MYO7B: variants seen among roughly 807,000 people sequenced by gnomAD.
MYO7B encodes myosin VIIB, also known as unconventional myosin-VIIb.
A neutral mutation model predicts 259.7 loss-of-function variants in MYO7B; 212 were observed. That is an observed-to-expected ratio of 0.82 (90% CI 0.73 to 0.91). The LOEUF is 0.91. MYO7B is among the 40% of genes least tolerant of loss of function. MYO7B has a pLI of 0.00. For missense variants in MYO7B, 2,732 were observed against 2,813.5 expected (o/e 0.97, Z 0.66); for synonymous variants, 1,197 against 1,166.4 (o/e 1.03, Z -0.54).
At chr2:127,622,145 A>AGACCACCAGG (rs1003229225) in intron 28 of MYO7B, 44 bp downstream of exon 28, 1 of 1,527,328 alleles carries the variant, frequency 6.5e-7, no homozygotes, top group African/African-American at 1.4e-5. Flanking sequence ...GGGGTGGTGC[A>AGACCACCAGG]GACCCCCAGG....
At chr2:127,573,558 C>T (rs1306560272) in intron 6 of MYO7B, among the ~76,000 whole-genome samples, 4 of 152,204 alleles carry the variant, frequency 2.6e-5, no homozygotes, top group Non-Finnish European at 5.9e-5. Context: ...TTTACTGCTT[C>T]CCTTATTACT....
intron 19 of MYO7B, among the ~76,000 whole-genome samples, chr2:127,598,714 T>C (rs1369939880): frequency 6.6e-6 from 1 of 152,232 alleles, no homozygotes; most frequent in Non-Finnish European, 1.5e-5. Context: ...ATGTTACATG[T>C]AGGTCCATGA....
chr2:127,548,024 A>G (rs990875915), intron 1 of MYO7B, among the ~76,000 whole-genome samples: 2 of 152,086 alleles, frequency 1.3e-5, no homozygotes, highest in South Asian at 2.1e-4. Context: ...CAGATTATCT[A>G]TTTCTCTTTG....
chr2:127,634,332 G>A, intron 41 of MYO7B, 43 bp downstream of exon 41: 2 of 1,428,206 alleles, frequency 1.4e-6, no homozygotes, highest in Non-Finnish European at 1.9e-6. Context: ...CGGACGGGCA[G>A]TGAGCGAGGC....
intron 28 of MYO7B, among the ~76,000 whole-genome samples, chr2:127,622,812 A>G (rs1203295471): frequency 6.6e-6 from 1 of 152,158 alleles, no homozygotes. Context: ...AAGGCCCCAA[A>G]ATGTTCCCGA....
chr2:127,620,500 G>A lies in MYO7B; in HGVS notation c.3525+34G>A, dbSNP rs377063336. On this transcript the variant is annotated intron_variant, in intron 27 of 47. Transcript: ENST00000409816. Reference sequence around the variant, plus strand: ...GTTCATGAAGGGAGGGCGGGCAGGGGGCAGGTTCTGGTGGGAGCGTAGGTG... The same window carrying A: ...GTTCATGAAGGGAGGGCGGGCAGGGAGCAGGTTCTGGTGGGAGCGTAGGTG... 6.7e-6 allele frequency: 10 copies of A among 1,500,518 alleles called. No homozygotes were observed. In the African/African-American group the frequency reaches 6.9e-5, roughly 10 times the overall value. The allele number at this position is 1,500,518 out of a possible 1,614,324, so 93.0% of individuals were successfully genotyped here. A position where few individuals can be genotyped will look rare whatever the true frequency, so the allele number is the denominator to read the frequency against.
chr2:127,617,928 C>T (rs1680645257), intron 26 of MYO7B, among the ~76,000 whole-genome samples: 1 of 149,138 alleles, frequency 6.7e-6, no homozygotes, highest in African/African-American at 2.5e-5. Context: ...CTATCTGTTC[C>T]TGTCTGTCCC....
intron 6 of MYO7B, among the ~76,000 whole-genome samples, chr2:127,571,378 T>C (rs1678598568): frequency 6.8e-6 from 1 of 146,750 alleles, no homozygotes; most frequent in Non-Finnish European, 1.5e-5. Context: ...TCTGGTGAAG[T>C]GTCAGTTCAA....
chr2:127,552,285 G>A (rs571727369), intron 1 of MYO7B, among the ~76,000 whole-genome samples: 26 of 152,126 alleles, frequency 1.7e-4, no homozygotes, highest in South Asian at 4.2e-4. Context: ...GACCACTTTC[G>A]TTCCAAAAAG....
chr2:127,556,518 A>G lies in MYO7B; in HGVS notation c.-23-3182A>G, dbSNP rs1412798766. ...CATGCTTTAAAGAGGATCTGTTTTG[A>G]TGTGTTTCCAGGATTTGTTTCAAGA... On this transcript the variant is annotated intron_variant, in intron 1 of 47. Coordinates refer to ENST00000409816, the MANE Select transcript of MYO7B (RefSeq NM_001393586.1). 6.6e-5 allele frequency among the ~76,000 whole-genome samples: 10 copies of G among 152,054 alleles called. No homozygotes were observed. In the East Asian group the frequency reaches 1.9e-3, roughly 29 times the overall value.
intron 12 of MYO7B, among the ~76,000 whole-genome samples, chr2:127,583,517 C>T (rs1191516459): frequency 6.6e-6 from 1 of 152,218 alleles, no homozygotes; most frequent in Non-Finnish European, 1.5e-5. Context: ...TTGGAGACAG[C>T]ATGGGCCAGA....
At position 127,606,503 on chromosome 2, in the gene MYO7B, T is replaced by G. The variant is rs143919751; in HGVS notation, c.2424+575T>G. 1.2e-3 allele frequency among the ~76,000 whole-genome samples: 178 copies of G among 152,354 alleles called. 1 individual carries two copies. The highest frequency in any genetic ancestry group is 3.9e-3 in the African/African-American group (162 of 41,574). ...ATAGTAGCTGACCTGTGTGGAGCAG[T>G]TCCTTGGGGCCTGTTGCTTCGCATA... On this transcript the variant is annotated intron_variant, in intron 20 of 47. Coordinates refer to ENST00000409816, the MANE Select transcript of MYO7B (RefSeq NM_001393586.1).
chr2:127,569,985 G>A (rs1678526534), intron 6 of MYO7B, 75 bp downstream of exon 6: 2 of 1,500,574 alleles, frequency 1.3e-6, no homozygotes, highest in Non-Finnish European at 1.8e-6. Flanking sequence ...ACCATGGGGA[G>A]GGACAGGATA....
rs1678760396 is a variant in MYO7B at position 127,574,071 on chromosome 2, T to TC, written c.735+14dup. 1.9e-6 allele frequency: 3 copies of TC among 1,613,376 alleles called. No individual in the cohort carries two copies. The highest frequency in any genetic ancestry group is 2.7e-5 in the African/African-American group (2 of 74,860). ...CCCGGGTCTGCCGGCAGGTGAGGCC[T>TC]CCCCCTTCCCAGGTCGGGAGTTGAG... On this transcript the variant is annotated intron_variant, in intron 7 of 47. Coordinates refer to ENST00000409816, the MANE Select transcript of MYO7B (RefSeq NM_001393586.1).
chr2:127,571,442 G>GTTTTTTTTTTTTGTTTTTT lies in MYO7B; in HGVS notation c.592+1544_592+1545insGTTTTTTTTTTTTTTTTTT, dbSNP rs1553448473. 5.2e-4 allele frequency among the ~76,000 whole-genome samples: 22 copies of GTTTTTTTTTTTTGTTTTTT among 41,952 alleles called. 1 individual carries two copies. Among genetic ancestry groups the GTTTTTTTTTTTTGTTTTTT allele is most frequent in the South Asian group, 8.3e-4 (1 of 1,204 alleles). The allele number at this position is 41,952 out of a possible 152,430, so 27.5% of individuals were successfully genotyped here. ...AATTGGTCTATTTCCTTACCAGTGA[G>GTTTTTTTTTTTTGTTTTTT]TTTTTTTTTTTTTTTTTGCTTGTTT... On this transcript the variant is annotated intron_variant, in intron 6 of 47. Transcript: ENST00000409816.
intron 16 of MYO7B, among the ~76,000 whole-genome samples, chr2:127,592,398 A>T (rs1313129765): frequency 3.3e-5 from 5 of 152,214 alleles, no homozygotes; most frequent in African/African-American, 9.7e-5. Flanking sequence ...CCATCTCAAA[A>T]AAATAAATAA....
In MYO7B at chr2:127,610,008, T is replaced by A. The variant is rs762032222; in HGVS notation, c.3184T>A (p.Ser1062Thr). ...TGCCCAGGTTCCACAGCACAGTAGATCTGCACAGGCAAGTGGGGGGCAGCA... is the reference window on the plus strand; with the variant it reads ...TGCCCAGGTTCCACAGCACAGTAGAACTGCACAGGCAAGTGGGGGGCAGCA... ...HGAQVPQHSR[S>T]AQRSGCKDKG... Residue 1062 changes from serine to threonine, a missense_variant, in exon 24 of 48, where the codon TCT becomes ACT. This residue lies in a region of MYO7B where 1,906 missense variants were observed against 2,026.4 expected (regional missense o/e 0.94). Coordinates refer to ENST00000409816, the MANE Select transcript of MYO7B (RefSeq NM_001393586.1). 16 of 1,609,232 alleles carry A rather than the reference T, an allele frequency of 9.9e-6. No individual in the cohort carries two copies. The Admixed American group carries it at 2.7e-4, about 27-fold the overall frequency.
chr2:127,631,903 C>A, intron 38 of MYO7B, 150 bp downstream of exon 38: 1 of 1,121,744 alleles, frequency 8.9e-7, no homozygotes, highest in Non-Finnish European at 1.2e-6. Context: ...GGGTTGGGCC[C>A]TTGGTCTGCT....
chr2:127,548,237 C>A (rs1234160626), intron 1 of MYO7B, among the ~76,000 whole-genome samples: 1 of 152,042 alleles, frequency 6.6e-6, no homozygotes, highest in Non-Finnish European at 1.5e-5. Flanking sequence ...ATCAATTTTA[C>A]TGATGTTTGC....
Sources: gnomAD v4.1 joint callset for allele counts (sites outside exome capture counted in the v4.1 genomes callset) on GRCh38, gnomAD v4.1.1 for gene constraint, gnomAD v4.1.1 regional missense constraint, MANE v1.5 for transcripts, NCBI Gene and HGNC (gene_info 2026-07-23, HGNC 2026-07-21) for gene names.